Variants in FAM13A observed in about 807,000 individuals in gnomAD.
The protein encoded by FAM13A is family with sequence similarity 13 member A.
FAM13A carries 76 observed loss-of-function variants against 129.6 expected under a neutral mutation model. That is an observed-to-expected ratio of 0.59 (90% CI 0.49 to 0.71). The LOEUF (loss-of-function observed/expected upper bound fraction) is 0.71. FAM13A is among the 30% of genes least tolerant of loss of function. The pLI is 0.00. For synonymous variants in FAM13A, 443 were observed against 449.9 expected, an observed-to-expected ratio of 0.98 and a Z score of 0.20; for missense variants, 1,108 against 1,249.3, an observed-to-expected ratio of 0.89 and a Z score of 1.70.
At chr4:88,946,427 G>A (rs1349205513) in intron 4 of FAM13A, among the ~76,000 whole-genome samples, 1 of 77,190 alleles carries the variant, frequency 1.3e-5, no homozygotes, top group Non-Finnish European at 2.5e-5. Flanking sequence ...TTTTTTTGGT[G>A]ACACCAAAAA....
At chr4:88,823,635 G>A (rs1413354369) in intron 7 of FAM13A, among the ~76,000 whole-genome samples, 1 of 152,166 alleles carries the variant, frequency 6.6e-6, no homozygotes, top group Non-Finnish European at 1.5e-5. Context: ...GTTATGTTGC[G>A]TCCCCTTTCT....
chr4:88,890,822 T>C (rs1745191375), intron 6 of FAM13A, among the ~76,000 whole-genome samples: 1 of 152,126 alleles, frequency 6.6e-6, no homozygotes, highest in Non-Finnish European at 1.5e-5. Context: ...AAGAAGTTTG[T>C]AACTACAGCT....
chr4:88,896,102 T>G (rs369905894), intron 6 of FAM13A, among the ~76,000 whole-genome samples: 245 of 151,118 alleles, frequency 1.6e-3, no homozygotes, highest in African/African-American at 4.9e-3. Context: ...AAAAAATGAT[T>G]AGTTCATGTC....
rs1429714368 is a variant in FAM13A at position 88,980,311 on chromosome 4, A to C, written c.605+10662T>G. ...GGAATAATGGATGTTTTTTATCTTT[A>C]TACTGTGGGGGGTTTTGTTTGAAAA... On this transcript the variant is annotated intron_variant, in intron 4 of 23. Transcript: ENST00000264344. Among the ~76,000 whole-genome samples the C allele has an allele frequency of 2.0e-5, 3 of 152,192 alleles. No individual in the cohort carries two copies. In the East Asian group the frequency reaches 5.8e-4, roughly 29 times the overall value.
chr4:88,806,169 C>T (rs1350817901), intron 7 of FAM13A, among the ~76,000 whole-genome samples: 1 of 151,944 alleles, frequency 6.6e-6, no homozygotes, highest in Admixed American at 6.6e-5. Context: ...AAATATATAA[C>T]TGATTAAATA....
intron 5 of FAM13A, among the ~76,000 whole-genome samples, 195 bp from the exon 6 acceptor site, chr4:88,906,657 A>C (rs1748220430): frequency 6.6e-6 from 1 of 152,224 alleles, no homozygotes; most frequent in Non-Finnish European, 1.5e-5. Flanking sequence ...AAGTAAGATA[A>C]GATGGTGATG....
At chr4:88,988,811 A>C (rs1049024891) in intron 4 of FAM13A, among the ~76,000 whole-genome samples, 1 of 152,254 alleles carries the variant, frequency 6.6e-6, no homozygotes, top group Non-Finnish European at 1.5e-5. Context: ...TCTGGCCAAG[A>C]TAAATAGTGA....
chr4:88,964,622 T>C (rs964858991), intron 4 of FAM13A, among the ~76,000 whole-genome samples: 41 of 151,056 alleles, frequency 2.7e-4, no homozygotes, highest in African/African-American at 9.7e-4. Flanking sequence ...CAAACTAACA[T>C]ACACTCTGCT....
chr4:88,829,035 G>A (rs1050879276), intron 7 of FAM13A, among the ~76,000 whole-genome samples: 1 of 152,178 alleles, frequency 6.6e-6, no homozygotes, highest in Non-Finnish European at 1.5e-5. Flanking sequence ...ATCTGCATTT[G>A]CTCTTGTCCT....
chr4:88,895,427 A>C (rs1746117403), intron 6 of FAM13A, among the ~76,000 whole-genome samples: 1 of 151,604 alleles, frequency 6.6e-6, no homozygotes, highest in Admixed American at 6.6e-5. Context: ...ATGGGATCTA[A>C]TTAAACTAAA....
chr4:88,851,174 AT>A lies in FAM13A; in HGVS notation c.852del (p.Lys284AsnfsTer29). 1.9e-6 allele frequency: 3 copies of A among 1,583,742 alleles called. No homozygotes were observed. The highest frequency in any genetic ancestry group is 1.7e-6 in the Non-Finnish European group (2 of 1,162,006). On this transcript the variant is annotated frameshift_variant, in exon 7 of 24. Transcript: ENST00000264344. LOFTEE classifies it high-confidence loss of function. ...GCCTGAATAGATCCCTCACTCCTGG[AT>A]TTTGGGATCTAGAAGAAAAAAAAAA... ...PKPPPKTKIP[K>X]SRSEGSIQAH...
chr4:88,874,969 G>C (rs1020234065), intron 6 of FAM13A, among the ~76,000 whole-genome samples: 2 of 152,004 alleles, frequency 1.3e-5, no homozygotes, highest in South Asian at 2.1e-4. Context: ...CAGAACAGAG[G>C]CCTCAGAAAT....
chr4:88,821,357 G>A (rs1266712880), intron 7 of FAM13A, among the ~76,000 whole-genome samples: 1 of 152,158 alleles, frequency 6.6e-6, no homozygotes, highest in Non-Finnish European at 1.5e-5. Context: ...AGAAACAAAA[G>A]TAGCAACTCA....
chr4:88,927,856 T>A (rs1395519486), intron 5 of FAM13A, among the ~76,000 whole-genome samples: 1 of 152,102 alleles, frequency 6.6e-6, no homozygotes, highest in Admixed American at 6.6e-5. Flanking sequence ...GGATTTCTTA[T>A]TTAGTTCTAT....
intron 2 of FAM13A, among the ~76,000 whole-genome samples, chr4:89,023,144 A>G (rs1054036129): frequency 6.6e-6 from 1 of 152,160 alleles, no homozygotes; most frequent in African/African-American, 2.4e-5. Context: ...CCTTTCCCTT[A>G]AGTTCTGTGG....
Position 88,765,822 on chromosome 4 carries a change from A to T in FAM13A, c.1578+1731T>A, listed in dbSNP as rs116694634. 7.3e-3 allele frequency among the ~76,000 whole-genome samples: 1,107 copies of T among 152,278 alleles called. 13 individuals are homozygous for T. The highest frequency in any genetic ancestry group is 0.025 in the African/African-American group (1,032 of 41,554). On this transcript the variant is annotated intron_variant, in intron 13 of 23. Transcript: ENST00000264344. ...GTTCACCACCTAATTTTATGTCCTA[A>T]CTGAAACCATCATGTTATTATTAGT... is the stretch of plus-strand genomic sequence containing the variant.
intron 18 of FAM13A, 136 bp downstream of exon 18, chr4:88,747,495 G>T: frequency 2.7e-6 from 2 of 730,406 alleles, no homozygotes; most frequent in South Asian, 1.8e-5. Context: ...TGTTTCATCA[G>T]CTTCCCTAGA....
chr4:88,821,696 CAA>C (rs1731947634), intron 7 of FAM13A, among the ~76,000 whole-genome samples: 1 of 152,170 alleles, frequency 6.6e-6, no homozygotes, highest in African/African-American at 2.4e-5. Context: ...CAAGACTCCA[CAA>C]AGTGTTTTAG....
At chr4:88,749,740 G>A (rs560843241) in intron 16 of FAM13A, 31 bp downstream of exon 16, 2 of 1,609,916 alleles carry the variant, frequency 1.2e-6, no homozygotes, top group East Asian at 4.5e-5. Flanking sequence ...GAGAGGATGA[G>A]GCGAAAAGAA....
Sources: gnomAD v4.1 joint callset for allele counts (sites outside exome capture counted in the v4.1 genomes callset) on GRCh38, gnomAD v4.1.1 for gene constraint, MANE v1.5 for transcripts, NCBI Gene and HGNC (gene_info 2026-07-23, HGNC 2026-07-21) for gene names.